The following BRD3OS variants were observed in gnomAD, a reference collection of about 807,000 sequenced individuals.
BRD3OS encodes uncharacterized protein BRD3OS.
chr9:134,026,690 C>T lies in BRD3OS; in HGVS notation c.-58C>T, dbSNP rs1051633080. The T allele has an allele frequency of 5.0e-6, 2 of 398,164 alleles. No individual in the cohort carries two copies. The highest frequency in any genetic ancestry group is 8.8e-6 in the Non-Finnish European group (2 of 225,998). 24.7% of individuals were successfully genotyped at this position (398,164 alleles called of 1,614,324 possible). ...GGGAAAGCTGTCCGTTAATTTAGTG[C>T]GCGTGGGCCGTCTCAGAACAGCAGG... On this transcript the variant is annotated 5_prime_UTR_variant, in exon 3 of 3. Coordinates refer to ENST00000603928, the MANE Select transcript of BRD3OS (RefSeq NM_001355256.2). This position sits in a 1 kb window ranked among gnomAD's most constrained non-coding sequence, Gnocchi z 4.4.
rs143008006 is a variant in BRD3OS, at chr9:134,031,010, C to T, written c.*4008C>T. 439 of 231,044 alleles carry T rather than the reference C, an allele frequency of 1.9e-3. 3 individuals carry two copies. The highest frequency in any genetic ancestry group is 2.6e-3 in the Non-Finnish European group (309 of 116,638). The allele number at this position is 231,044 out of a possible 1,614,324, so 14.3% of individuals were successfully genotyped here. ...ACGGACGTGACTGTCACCCTCAGCC[C>T]GCCAGCAAGGGCGCTGAGGAAGTCA... On this transcript the variant is annotated 3_prime_UTR_variant, in exon 3 of 3. Transcript: ENST00000603928.
Position 134,030,628 on chromosome 9 carries a change from A to T in BRD3OS, c.*3626A>T. ...AAGCATTATGCCAGTATTAAGGAAC[A>T]GTGCTACTCTGGATGTGACAAATTC... On this transcript the variant is annotated 3_prime_UTR_variant, in exon 3 of 3. Transcript: ENST00000603928. 4.4e-6 allele frequency: 1 copy of T among 228,452 alleles called. No homozygotes were observed. 14.2% of individuals were successfully genotyped at this position (228,452 alleles called of 1,614,324 possible). A position where few individuals can be genotyped will look rare whatever the true frequency, so the allele number is the denominator to read the frequency against.
rs1384396986 is a variant in BRD3OS, at chr9:134,027,951, A to G, written c.*949A>G. 6.6e-6 allele frequency: 1 copy of G among 152,250 alleles called. No homozygotes were observed. Among genetic ancestry groups the G allele is most frequent in the African/African-American group, 2.4e-5 (1 of 41,462 alleles). The allele number at this position is 152,250 out of a possible 1,614,324, so 9.4% of individuals were successfully genotyped here. On this transcript the variant is annotated 3_prime_UTR_variant, in exon 3 of 3. Transcript: ENST00000603928. ...CCCAGGCCGACACTGACATGTGTTC[A>G]CTGTCGCTGCCACAGCTGGCCACCT...
rs1021111980 is a variant in BRD3OS at position 134,027,151 on chromosome 9, G to C, written c.*149G>C. 2.6e-6 allele frequency: 1 copy of C among 390,812 alleles called. No individual in the cohort carries two copies. The allele number at this position is 390,812 out of a possible 1,614,324, so 24.2% of individuals were successfully genotyped here. A position where few individuals can be genotyped will look rare whatever the true frequency, so the allele number is the denominator to read the frequency against. On this transcript the variant is annotated 3_prime_UTR_variant, in exon 3 of 3. Coordinates refer to ENST00000603928, the MANE Select transcript of BRD3OS (RefSeq NM_001355256.2). Reference sequence around the variant, plus strand: ...ACTGTGGTGTAAGAACCCAAGAAGCGCAGAATTGGCCCCCGAACCCCTCAG... The same window carrying C: ...ACTGTGGTGTAAGAACCCAAGAAGCCCAGAATTGGCCCCCGAACCCCTCAG...
chr9:134,030,508 A>G lies in BRD3OS; in HGVS notation c.*3506A>G, dbSNP rs1843496403. 1 of 206,328 alleles carries G rather than the reference A, an allele frequency of 4.8e-6. No homozygotes were observed. Among genetic ancestry groups the G allele is most frequent in the Non-Finnish European group, 9.9e-6 (1 of 101,206 alleles). 12.8% of individuals were successfully genotyped at this position (206,328 alleles called of 1,614,324 possible). ...TGACATTTACAGGAATATACTAGAAACGGCACTAAAAAGTTTAAGAAAAGT... is the reference window on the plus strand; with the variant it reads ...TGACATTTACAGGAATATACTAGAAGCGGCACTAAAAAGTTTAAGAAAAGT... On this transcript the variant is annotated 3_prime_UTR_variant, in exon 3 of 3. Coordinates refer to ENST00000603928, the MANE Select transcript of BRD3OS (RefSeq NM_001355256.2).
At position 134,028,062 on chromosome 9, in the gene BRD3OS, C is replaced by T. The variant is rs182934827; in HGVS notation, c.*1060C>T. On this transcript the variant is annotated 3_prime_UTR_variant, in exon 3 of 3. Coordinates refer to ENST00000603928, the MANE Select transcript of BRD3OS (RefSeq NM_001355256.2). ...AATGTGCAGGTGTCTCTTGTCAAAG[C>T]TAATTTTTCTTTTCTAAATAAACAT... The T allele has an allele frequency of 6.6e-6, 1 of 152,358 alleles. No homozygotes were observed. Among genetic ancestry groups the T allele is most frequent in the East Asian group, 1.9e-4 (1 of 5,180 alleles). 9.4% of individuals were successfully genotyped at this position (152,358 alleles called of 1,614,324 possible). A position where few individuals can be genotyped will look rare whatever the true frequency, so the allele number is the denominator to read the frequency against.
chr9:134,026,915 T>C lies in BRD3OS; in HGVS notation c.168T>C (p.Tyr56=), dbSNP rs1389816692. 1 of 398,814 alleles carries C rather than the reference T, an allele frequency of 2.5e-6. No individual in the cohort carries two copies. The highest frequency in any genetic ancestry group is 4.4e-6 in the Non-Finnish European group (1 of 226,068). The allele number at this position is 398,814 out of a possible 1,614,324, so 24.7% of individuals were successfully genotyped here. A position where few individuals can be genotyped will look rare whatever the true frequency, so the allele number is the denominator to read the frequency against. ...GCCGAAGCATGTGGTACTCACAGTA[T>C]GGAAATGAGGCCATCTTGGTCCGAG... ...SRSRSMWYSQ[Y]GNEAILVRDK... The change falls in exon 3 of 3, where the codon TAT becomes TAC. Residue 56 remains tyrosine, a synonymous_variant. Transcript: ENST00000603928. This position sits in a 1 kb window ranked among gnomAD's most constrained non-coding sequence, Gnocchi z 4.4.
chr9:134,030,364 AG>A lies in BRD3OS; in HGVS notation c.*3365del. The A allele has an allele frequency of 6.3e-6, 1 of 159,092 alleles. No individual in the cohort carries two copies. Among genetic ancestry groups the A allele is most frequent in the Non-Finnish European group, 1.3e-5 (1 of 75,722 alleles). The allele number at this position is 159,092 out of a possible 1,614,324, so 9.9% of individuals were successfully genotyped here. A position where few individuals can be genotyped will look rare whatever the true frequency, so the allele number is the denominator to read the frequency against. ...AAAACAAAACAAATGCCCCAGGAGA[AG>A]GGTCCATGATTACCAGAAACATCAA... is the stretch of plus-strand genomic sequence containing the variant. On this transcript the variant is annotated 3_prime_UTR_variant, in exon 3 of 3. Coordinates refer to ENST00000603928, the MANE Select transcript of BRD3OS (RefSeq NM_001355256.2).
chr9:134,031,053 TGAAAA>T lies in BRD3OS; in HGVS notation c.*4056_*4060del, dbSNP rs1413679417. On this transcript the variant is annotated 3_prime_UTR_variant, in exon 3 of 3. Coordinates refer to ENST00000603928, the MANE Select transcript of BRD3OS (RefSeq NM_001355256.2). ...GGAAGTCATTAATCCTTCGAAACTC[TGAAAA>T]GAAACCAGTGTTGAAGTCTGGACAG... 1.3e-5 allele frequency: 3 copies of T among 230,294 alleles called. No individual in the cohort carries two copies. The highest frequency in any genetic ancestry group is 6.6e-5 in the African/African-American group (3 of 45,120). 14.3% of individuals were successfully genotyped at this position (230,294 alleles called of 1,614,324 possible). A position where few individuals can be genotyped will look rare whatever the true frequency, so the allele number is the denominator to read the frequency against.
rs1394679350 is a variant in BRD3OS at position 134,030,505 on chromosome 9, G to C, written c.*3503G>C. ...AACTGACATTTACAGGAATATACTA[G>C]AAACGGCACTAAAAAGTTTAAGAAA... On this transcript the variant is annotated 3_prime_UTR_variant, in exon 3 of 3. Transcript: ENST00000603928. The C allele has an allele frequency of 4.9e-6, 1 of 203,020 alleles. No individual in the cohort carries two copies. Among genetic ancestry groups the C allele is most frequent in the Non-Finnish European group, 1.0e-5 (1 of 99,190 alleles). 12.6% of individuals were successfully genotyped at this position (203,020 alleles called of 1,614,324 possible).
In BRD3OS at chr9:134,025,883, G is replaced by A. The variant is rs1002362162; in HGVS notation, c.-748G>A. 6.6e-6 allele frequency: 1 copy of A among 152,362 alleles called. No individual in the cohort carries two copies. The highest frequency in any genetic ancestry group is 1.9e-4 in the East Asian group (1 of 5,184). 9.4% of individuals were successfully genotyped at this position (152,362 alleles called of 1,614,324 possible). On this transcript the variant is annotated 5_prime_UTR_variant, in exon 2 of 3. Transcript: ENST00000603928. ...GCTGGATGCTCGGAGCAGCAAGGCG[G>A]CCCTGGGGGCCCCTTCCGGTCCCGG... is the stretch of plus-strand genomic sequence containing the variant.
Position 134,031,268 on chromosome 9 carries a change from C to G in BRD3OS, c.*4266C>G. On this transcript the variant is annotated 3_prime_UTR_variant, in exon 3 of 3. Coordinates refer to ENST00000603928, the MANE Select transcript of BRD3OS (RefSeq NM_001355256.2). ...TGCGCTGCCCCCACAGCCGGCCGCTCCCCCGACGGCTCACACAGGCAGCAC... is the reference window on the plus strand; with the variant it reads ...TGCGCTGCCCCCACAGCCGGCCGCTGCCCCGACGGCTCACACAGGCAGCAC... 1 of 209,748 alleles carries G rather than the reference C, an allele frequency of 4.8e-6. No individual in the cohort carries two copies. Among genetic ancestry groups the G allele is most frequent in the Non-Finnish European group, 9.7e-6 (1 of 103,262 alleles). The allele number at this position is 209,748 out of a possible 1,614,324, so 13.0% of individuals were successfully genotyped here. A position where few individuals can be genotyped will look rare whatever the true frequency, so the allele number is the denominator to read the frequency against.
rs998609753 is a variant in BRD3OS, at chr9:134,029,311, G to A, written c.*2309G>A. On this transcript the variant is annotated 3_prime_UTR_variant, in exon 3 of 3. Transcript: ENST00000603928. ...CATGCAGAATGGGGTCTGAGGTCACGTTGCAACGCTGGCAGGATGTGTGCT... is the reference window on the plus strand; with the variant it reads ...CATGCAGAATGGGGTCTGAGGTCACATTGCAACGCTGGCAGGATGTGTGCT... The A allele has an allele frequency of 1.4e-4, 22 of 152,326 alleles. No individual in the cohort carries two copies. Among genetic ancestry groups the A allele is most frequent in the African/African-American group, 4.8e-4 (20 of 41,454 alleles). 9.4% of individuals were successfully genotyped at this position (152,326 alleles called of 1,614,324 possible). A position where few individuals can be genotyped will look rare whatever the true frequency, so the allele number is the denominator to read the frequency against.
In BRD3OS at chr9:134,028,700, TTTAACCTC is replaced by T. The variant is rs1394775664; in HGVS notation, c.*1700_*1707del. 6.6e-6 allele frequency: 1 copy of T among 152,320 alleles called. No homozygotes were observed. The highest frequency in any genetic ancestry group is 2.4e-5 in the African/African-American group (1 of 41,456). 9.4% of individuals were successfully genotyped at this position (152,320 alleles called of 1,614,324 possible). On this transcript the variant is annotated 3_prime_UTR_variant, in exon 3 of 3. Coordinates refer to ENST00000603928, the MANE Select transcript of BRD3OS (RefSeq NM_001355256.2). ...CACCGCACCCGGCCCACTTCATGCT[TTTAACCTC>T]TGACTCGCAGCTCTCCCGTGAGCCC... is the stretch of plus-strand genomic sequence containing the variant.
Position 134,031,507 on chromosome 9 carries a change from T to C in BRD3OS, c.*4505T>C, listed in dbSNP as rs1274842448. ...TAGAAAATACCTTTGAAAACGAGGG[T>C]AACTTTAAAAAATGGAAACTTTCAA... On this transcript the variant is annotated 3_prime_UTR_variant, in exon 3 of 3. Transcript: ENST00000603928. The C allele has an allele frequency of 5.0e-6, 1 of 201,664 alleles. No individual in the cohort carries two copies. The highest frequency in any genetic ancestry group is 1.0e-5 in the Non-Finnish European group (1 of 98,182). The allele number at this position is 201,664 out of a possible 1,614,324, so 12.5% of individuals were successfully genotyped here.
At position 134,029,944 on chromosome 9, in the gene BRD3OS, T is replaced by C. The variant is rs1421724425; in HGVS notation, c.*2942T>C. ...TCAGGACAAGAGCTACTTAATGGTT[T>C]GATTATTATTATTTTTTAAGAGATG... On this transcript the variant is annotated 3_prime_UTR_variant, in exon 3 of 3. Transcript: ENST00000603928. 1.3e-5 allele frequency: 2 copies of C among 152,150 alleles called. No individual in the cohort carries two copies. The highest frequency in any genetic ancestry group is 2.9e-5 in the Non-Finnish European group (2 of 68,038). 9.4% of individuals were successfully genotyped at this position (152,150 alleles called of 1,614,324 possible). A position where few individuals can be genotyped will look rare whatever the true frequency, so the allele number is the denominator to read the frequency against.
chr9:134,029,854 T>C lies in BRD3OS; in HGVS notation c.*2852T>C, dbSNP rs1843484318. 1 of 152,210 alleles carries C rather than the reference T, an allele frequency of 6.6e-6. No homozygotes were observed. The highest frequency in any genetic ancestry group is 1.5e-5 in the Non-Finnish European group (1 of 68,060). The allele number at this position is 152,210 out of a possible 1,614,324, so 9.4% of individuals were successfully genotyped here. On this transcript the variant is annotated 3_prime_UTR_variant, in exon 3 of 3. Coordinates refer to ENST00000603928, the MANE Select transcript of BRD3OS (RefSeq NM_001355256.2). ...CTTGTTCCAGGGAACCAATGAACTG[T>C]CAGTAAAGGGGATTGTGGCTTCCTA...
rs571231823 is a variant in BRD3OS at position 134,030,096 on chromosome 9, C to G, written c.*3094C>G. 6.6e-6 allele frequency: 1 copy of G among 152,300 alleles called. No individual in the cohort carries two copies. The highest frequency in any genetic ancestry group is 1.9e-4 in the East Asian group (1 of 5,194). The allele number at this position is 152,300 out of a possible 1,614,324, so 9.4% of individuals were successfully genotyped here. On this transcript the variant is annotated 3_prime_UTR_variant, in exon 3 of 3. Coordinates refer to ENST00000603928, the MANE Select transcript of BRD3OS (RefSeq NM_001355256.2). ...CACAGGCACGAGCCACTGCATCCTG[C>G]CTTTAAATGGTTTTTTGGGGCCCCT...
In BRD3OS at chr9:134,025,977, T is replaced by C. The variant is rs1843424691; in HGVS notation, c.-654T>C. 1 of 152,094 alleles carries C rather than the reference T, an allele frequency of 6.6e-6. No homozygotes were observed. Among genetic ancestry groups the C allele is most frequent in the African/African-American group, 2.4e-5 (1 of 41,406 alleles). 9.4% of individuals were successfully genotyped at this position (152,094 alleles called of 1,614,324 possible). A position where few individuals can be genotyped will look rare whatever the true frequency, so the allele number is the denominator to read the frequency against. On this transcript the variant is annotated 5_prime_UTR_variant, in exon 2 of 3. The change abolishes an upstream ATG in the 5' untranslated region. Coordinates refer to ENST00000603928, the MANE Select transcript of BRD3OS (RefSeq NM_001355256.2). ...GCGCCGCTGGCTCCTGTTTCACAGA[T>C]GGAGACCCTGAAGCCCCAACAAGCA...
Sources: gnomAD v4.1 joint callset for allele counts on GRCh38, gnomAD v4.1.1 for gene constraint, Gnocchi (gnomAD v3.1) non-coding constraint, MANE v1.5 for transcripts, NCBI Gene and HGNC (gene_info 2026-07-23, HGNC 2026-07-21) for gene names.